The following TRMT9B variants were observed in gnomAD, a reference collection of about 807,000 sequenced individuals.
TRMT9B encodes probable tRNA methyltransferase 9B.
In TRMT9B, 16 loss-of-function variants were observed where a neutral mutation model predicts 11.5. That is an observed-to-expected ratio of 1.39 (90% CI 0.94 to 2.11). The LOEUF is 2.11. TRMT9B is among the 30% of genes most tolerant of loss of function. The pLI is 0.00. For missense variants in TRMT9B, 941 were observed against 553.8 expected (o/e 1.70, Z -7.02); for synonymous variants, 274 against 192.4 (o/e 1.42, Z -3.51).
intron 1 of TRMT9B, among the ~76,000 whole-genome samples, chr8:12,980,796 A>C (rs1443193838): frequency 6.6e-6 from 1 of 152,210 alleles, no homozygotes; most frequent in Admixed American, 6.5e-5. Context: ...GAGAGGGAAC[A>C]GACAAGCAAA....
intron 1 of TRMT9B, among the ~76,000 whole-genome samples, chr8:12,969,074 G>A (rs775136256): frequency 2.0e-5 from 3 of 152,110 alleles, no homozygotes; most frequent in African/African-American, 4.8e-5. Context: ...TTGGCCGGGC[G>A]TGGTAGCATG....
intron 2 of TRMT9B, among the ~76,000 whole-genome samples, chr8:12,997,425 G>T (rs146064318): frequency 2.6e-4 from 40 of 152,240 alleles, no homozygotes; most frequent in African/African-American, 8.7e-4. Context: ...GATCCAAGCA[G>T]ATGCTGGTGC....
At position 13,023,326 on chromosome 8, in the gene TRMT9B, T is replaced by C. The variant is rs1181964599; in HGVS notation, c.*1282T>C. ...TAAGGTACAGCATAGTTAGCCTTGG[T>C]AGAGGTATGACTTGGATTTGCTGTA... On this transcript the variant is annotated 3_prime_UTR_variant, in exon 5 of 5. Transcript: ENST00000524591. 1 of 167,108 alleles carries C rather than the reference T, an allele frequency of 6.0e-6. No homozygotes were observed. Among genetic ancestry groups the C allele is most frequent in the East Asian group, 1.9e-4 (1 of 5,202 alleles). The allele number at this position is 167,108 out of a possible 1,614,324, so 10.4% of individuals were successfully genotyped here. A position where few individuals can be genotyped will look rare whatever the true frequency, so the allele number is the denominator to read the frequency against.
At chr8:13,010,478 G>C (rs1167379481) in intron 3 of TRMT9B, 7 of 984,668 alleles carry the variant, frequency 7.1e-6, no homozygotes, top group African/African-American at 1.7e-5. Context: ...TTGATGAATA[G>C]ACAATAGTTT....
At chr8:12,946,880 TG>T (rs1221488349) in intron 1 of TRMT9B, among the ~76,000 whole-genome samples, 1 of 152,220 alleles carries the variant, frequency 6.6e-6, no homozygotes, top group African/African-American at 2.4e-5. Flanking sequence ...AAGTTCCCTA[TG>T]TACCTTGAGA....
At chr8:13,015,788 C>T (rs1363400182) in intron 4 of TRMT9B, among the ~76,000 whole-genome samples, 1 of 152,124 alleles carries the variant, frequency 6.6e-6, no homozygotes, top group Non-Finnish European at 1.5e-5. Context: ...CCTCTATTTT[C>T]AGTTTACATC....
At chr8:12,974,495 T>G (rs576843929) in intron 1 of TRMT9B, among the ~76,000 whole-genome samples, 1 of 152,280 alleles carries the variant, frequency 6.6e-6, no homozygotes, top group East Asian at 1.9e-4. Context: ...TGAATTTCAT[T>G]CAAGGGCAAT....
rs200934289 is a variant in TRMT9B, at chr8:13,026,029, G to C, written c.*3985G>C. 2 of 167,034 alleles carry C rather than the reference G, an allele frequency of 1.2e-5. No individual in the cohort carries two copies. Among genetic ancestry groups the C allele is most frequent in the East Asian group, 3.9e-4 (2 of 5,184 alleles). 10.3% of individuals were successfully genotyped at this position (167,034 alleles called of 1,614,324 possible). A position where few individuals can be genotyped will look rare whatever the true frequency, so the allele number is the denominator to read the frequency against. On this transcript the variant is annotated 3_prime_UTR_variant, in exon 5 of 5. Transcript: ENST00000524591. ...AAATTAAATTAATACATATATACGA[G>C]TTTGGAGGAGAACAGAAGTTCTAAC...
At chr8:13,000,679 C>G (rs560892968) in intron 2 of TRMT9B, among the ~76,000 whole-genome samples, 2 of 152,238 alleles carry the variant, frequency 1.3e-5, no homozygotes, top group African/African-American at 4.8e-5. Flanking sequence ...ACCTCGTAAG[C>G]TTTACAAGTT....
chr8:12,975,919 C>A (rs1266260062), intron 1 of TRMT9B, among the ~76,000 whole-genome samples: 1 of 151,958 alleles, frequency 6.6e-6, no homozygotes, highest in Non-Finnish European at 1.5e-5. Flanking sequence ...AAGTTGGGGG[C>A]AATAAACAAG....
At chr8:13,007,271 T>C (rs1460018970) in intron 3 of TRMT9B, 2 of 152,200 alleles carry the variant, frequency 1.3e-5, no homozygotes, top group Non-Finnish European at 2.9e-5. Context: ...CATCTTTAAT[T>C]AGACAGTATT....
At chr8:12,988,578 C>T (rs140575004) in intron 1 of TRMT9B, among the ~76,000 whole-genome samples, 9 of 152,078 alleles carry the variant, frequency 5.9e-5, no homozygotes, top group South Asian at 4.2e-4. Flanking sequence ...CTTCACATGG[C>T]GGCAGCAAGG....
At chr8:13,011,619 C>A (rs1373155579) in intron 3 of TRMT9B, 4 of 966,648 alleles carry the variant, frequency 4.1e-6, no homozygotes, top group Non-Finnish European at 4.9e-6. Flanking sequence ...GTGGTTTATT[C>A]ATTCATGTTA....
At chr8:12,949,524 C>T (rs577968237) in intron 1 of TRMT9B, among the ~76,000 whole-genome samples, 116 of 152,278 alleles carry the variant, frequency 7.6e-4, no homozygotes, top group African/African-American at 2.0e-3. Flanking sequence ...CCAAATTCTA[C>T]TGGTGGTCAC....
chr8:12,976,474 T>C (rs1243940150), intron 1 of TRMT9B, among the ~76,000 whole-genome samples: 1 of 152,090 alleles, frequency 6.6e-6, no homozygotes, highest in Non-Finnish European at 1.5e-5. Context: ...GTGCAGTGGC[T>C]CGTGCCTATA....
At chr8:13,011,701 A>G (rs999202682) in intron 3 of TRMT9B, 8 of 978,242 alleles carry the variant, frequency 8.2e-6, no homozygotes, top group African/African-American at 1.8e-5. Flanking sequence ...ATCCTGAATT[A>G]CTTAGGTCTC....
chr8:12,971,364 G>A (rs1406420755), intron 1 of TRMT9B, among the ~76,000 whole-genome samples: 1 of 152,064 alleles, frequency 6.6e-6, no homozygotes, highest in Non-Finnish European at 1.5e-5. Flanking sequence ...GGGAACGGCG[G>A]GCCTGGGCCT....
At chr8:12,970,454 C>A (rs942993920) in intron 1 of TRMT9B, among the ~76,000 whole-genome samples, 3 of 152,190 alleles carry the variant, frequency 2.0e-5, no homozygotes, top group Non-Finnish European at 4.4e-5. Flanking sequence ...TGATTCCAAT[C>A]CAATTTCATG....
At chr8:13,014,504 T>C (rs942721792) in intron 4 of TRMT9B, among the ~76,000 whole-genome samples, 19 of 152,210 alleles carry the variant, frequency 1.2e-4, no homozygotes, top group Non-Finnish European at 2.2e-4. Context: ...GAGCAAGCTC[T>C]CTGGTCTCTT....
Sources: gnomAD v4.1 joint callset for allele counts (sites outside exome capture counted in the v4.1 genomes callset) on GRCh38, gnomAD v4.1.1 for gene constraint, MANE v1.5 for transcripts, NCBI Gene and HGNC (gene_info 2026-07-23, HGNC 2026-07-21) for gene names.